Variants in IP6K1 observed in about 807,000 individuals in gnomAD.
The protein encoded by IP6K1 is inositol hexakisphosphate kinase 1, also known as ATP:1D-myo-inositol-hexakisphosphate phosphotransferase.
Under a neutral mutation model 38.3 loss-of-function variants are expected in IP6K1, and 13 were observed. The ratio of observed to expected loss-of-function variants is 0.34; its 90% CI spans 0.22 to 0.54. IP6K1 has a LOEUF of 0.54. Ranked by LOEUF, IP6K1 falls within the 20% of genes least tolerant of loss-of-function variation. The pLI, the probability that IP6K1 is intolerant of heterozygous loss-of-function variation, is 0.92. For missense variants in IP6K1, 397 were observed against 599.8 expected, an observed-to-expected ratio of 0.66 and a Z score of 3.53; for synonymous variants, 212 against 229.9, an observed-to-expected ratio of 0.92 and a Z score of 0.70.
intron 1 of IP6K1, among the ~76,000 whole-genome samples, chr3:49,780,309 TAC>T (rs71080553): frequency 8.8e-4 from 103 of 117,554 alleles, no homozygotes; most frequent in Middle Eastern, 8.8e-3. Context: ...TCATCTTTCA[TAC>T]ACACACACAC....
intron 5 of IP6K1, 29 bp downstream of exon 5, chr3:49,728,074 C>A (rs369664452): frequency 6.3e-7 from 1 of 1,595,770 alleles, no homozygotes; most frequent in South Asian, 1.1e-5. Flanking sequence ...CAAGTGGCAG[C>A]ACCTAGGCTC....
chr3:49,755,228 T>G (rs2080812014), intron 1 of IP6K1, among the ~76,000 whole-genome samples: 1 of 150,940 alleles, frequency 6.6e-6, no homozygotes, highest in South Asian at 2.1e-4. Flanking sequence ...TGAGCCACCA[T>G]GCCCAGCCAC....
chr3:49,761,409 G>A (rs1355142643), intron 1 of IP6K1, among the ~76,000 whole-genome samples: 9 of 151,812 alleles, frequency 5.9e-5, no homozygotes, highest in South Asian at 2.1e-4. Flanking sequence ...GGCGGATCAC[G>A]AGGTCAGGAG....
In IP6K1 at chr3:49,725,458, A is replaced by AG. The variant is rs36006366; in HGVS notation, c.*1663dup. On this transcript the variant is annotated 3_prime_UTR_variant, in exon 6 of 6. Coordinates refer to ENST00000321599, the MANE Select transcript of IP6K1 (RefSeq NM_153273.4). ...TGGGAACCTGCCCACCAGTGGCACC[A>AG]GGGCTGGGGGCTAGGAGAGATGGCA... is the stretch of plus-strand genomic sequence containing the variant. 3.3e-5 allele frequency: 5 copies of AG among 152,342 alleles called. No homozygotes were observed. The highest frequency in any genetic ancestry group is 2.0e-4 in the Admixed American group (3 of 15,286). The allele number at this position is 152,342 out of a possible 1,614,324, so 9.4% of individuals were successfully genotyped here.
chr3:49,733,620 T>C (rs908592608), intron 3 of IP6K1, among the ~76,000 whole-genome samples: 4 of 152,188 alleles, frequency 2.6e-5, no homozygotes, highest in African/African-American at 7.2e-5. Context: ...TATATGAACT[T>C]GAAAACATTT....
chr3:49,738,006 C>G (rs995882060), intron 3 of IP6K1, among the ~76,000 whole-genome samples: 4 of 152,168 alleles, frequency 2.6e-5, no homozygotes, highest in Non-Finnish European at 4.4e-5. Flanking sequence ...GCTTCACTTC[C>G]TCTCTCAACC....
chr3:49,778,464 C>A (rs987810822), intron 1 of IP6K1, among the ~76,000 whole-genome samples: 1 of 151,904 alleles, frequency 6.6e-6, no homozygotes, highest in Non-Finnish European at 1.5e-5. Flanking sequence ...GAAACTTCGT[C>A]TCTACTAAAA....
At chr3:49,763,252 C>T (rs1042290439) in intron 1 of IP6K1, among the ~76,000 whole-genome samples, 6 of 149,950 alleles carry the variant, frequency 4.0e-5, no homozygotes, top group East Asian at 3.9e-4. Context: ...TACAGGCGCC[C>T]GCCACACACC....
At chr3:49,728,463 CA>C (rs1228296451) in intron 4 of IP6K1, 185 bp from the exon 5 acceptor site, 1 of 576,556 alleles carries the variant, frequency 1.7e-6, no homozygotes, top group Non-Finnish European at 3.1e-6. Context: ...GTAAAATATA[CA>C]TAAAATTTAC....
chr3:49,778,424 G>C (rs1034749691), intron 1 of IP6K1, among the ~76,000 whole-genome samples: 2 of 151,988 alleles, frequency 1.3e-5, no homozygotes, highest in Non-Finnish European at 2.9e-5. Flanking sequence ...CTTGAGGTCA[G>C]GAGGTCAAGA....
intron 1 of IP6K1, among the ~76,000 whole-genome samples, chr3:49,751,336 A>AT (rs1185309797): frequency 2.0e-5 from 3 of 151,822 alleles, no homozygotes; most frequent in Non-Finnish European, 4.4e-5. Context: ...TAATTTTTGT[A>AT]TTTTTAGTGG....
chr3:49,731,149 C>T (rs369171315), intron 4 of IP6K1, among the ~76,000 whole-genome samples: 42 of 151,964 alleles, frequency 2.8e-4, no homozygotes, highest in African/African-American at 9.9e-4. Context: ...ACCTTCTGCT[C>T]AAAACGATCT....
rs1439115358 is a variant in IP6K1, at chr3:49,724,627, G to T, written c.*2495C>A. ...AAGTCAGCACAAACATAACCAAATT[G>T]TACAGCTTTAAAGTTCAAAGCAGTC... On this transcript the variant is annotated 3_prime_UTR_variant, in exon 6 of 6. Transcript: ENST00000321599. 1 of 152,596 alleles carries T rather than the reference G, an allele frequency of 6.6e-6. No homozygotes were observed. The highest frequency in any genetic ancestry group is 2.4e-5 in the African/African-American group (1 of 41,450). The allele number at this position is 152,596 out of a possible 1,614,324, so 9.5% of individuals were successfully genotyped here. A position where few individuals can be genotyped will look rare whatever the true frequency, so the allele number is the denominator to read the frequency against.
chr3:49,761,759 C>T (rs764323960), intron 1 of IP6K1, among the ~76,000 whole-genome samples: 43 of 152,106 alleles, frequency 2.8e-4, no homozygotes, highest in South Asian at 6.2e-4. Flanking sequence ...TTCAAGAGCA[C>T]CCTGGTCAAC....
Position 49,732,786 on chromosome 3 carries a change from G to T in IP6K1, c.616+5C>A. Reference sequence around the variant, plus strand: ...ACACTCCTGAAGGAGGGGCAACGAGGATACTGTAGAGCTTTCGGTCCTTGG... The same window carrying T: ...ACACTCCTGAAGGAGGGGCAACGAGTATACTGTAGAGCTTTCGGTCCTTGG... On this transcript the variant is annotated splice_donor_5th_base_variant and intron_variant, in intron 4 of 5. Coordinates refer to ENST00000321599, the MANE Select transcript of IP6K1 (RefSeq NM_153273.4). The T allele has an allele frequency of 1.9e-6, 3 of 1,609,420 alleles. No homozygotes were observed. The highest frequency in any genetic ancestry group is 2.5e-6 in the Non-Finnish European group (3 of 1,176,936).
At chr3:49,773,614 G>A (rs148383796) in intron 1 of IP6K1, among the ~76,000 whole-genome samples, 19,175 of 152,106 alleles carry the variant, frequency 0.13, 1,434 homozygotes, top group Middle Eastern at 0.24. Flanking sequence ...GCAAGACTCC[G>A]TCTCAAAAAT....
At chr3:49,758,720 T>C (rs2080844991) in intron 1 of IP6K1, 1 of 152,238 alleles carries the variant, frequency 6.6e-6, no homozygotes, top group Admixed American at 6.5e-5. Flanking sequence ...CCCAACACTT[T>C]GGGAGGTGAG....
Position 49,727,804 on chromosome 3 carries a change from C to T in IP6K1, c.793-149G>A. The T allele has an allele frequency of 1.2e-6, 1 of 846,148 alleles. No homozygotes were observed. The highest frequency in any genetic ancestry group is 1.8e-6 in the Non-Finnish European group (1 of 556,344). The allele number at this position is 846,148 out of a possible 1,614,324, so 52.4% of individuals were successfully genotyped here. A position where few individuals can be genotyped will look rare whatever the true frequency, so the allele number is the denominator to read the frequency against. The stretch of plus-strand genomic sequence containing the variant: ...TGGAACCAGGCAGGCCACATTCACC[C>T]TGGGTTTTCCCATTGCAGAACCAAG... On this transcript the variant is annotated intron_variant, in intron 5 of 5. Transcript: ENST00000321599. The surrounding 1 kb of genome is among the most constrained non-coding windows in gnomAD (Gnocchi z 5.9).
In IP6K1 at chr3:49,727,586, C is replaced by T. The variant is rs1439589871; in HGVS notation, c.862G>A (p.Gly288Ser). The change falls in exon 6 of 6, where the codon GGC becomes AGC. Residue 288 changes from glycine to serine, a missense_variant. Gly to Ser is a moderately conservative substitution (Grantham distance 56). Around this residue, in one of 3 missense-constraint regions of IP6K1, gnomAD observed 164 missense variants for 213.5 expected, o/e 0.77. Transcript: ENST00000321599. This position sits in a 1 kb window ranked among gnomAD's most constrained non-coding sequence, Gnocchi z 5.9. ...KYYGRGLSIEGFRNALYQYLH... is the reference protein window; with the variant it reads ...KYYGRGLSIESFRNALYQYLH... ...TATTGATAGAGGGCATTGCGGAAGC[C>T]TTCAATGGAGAGCCCACGGCCATAG... 2 of 1,614,230 alleles carry T rather than the reference C, an allele frequency of 1.2e-6. No individual in the cohort carries two copies. Among genetic ancestry groups the T allele is most frequent in the Non-Finnish European group, 1.7e-6 (2 of 1,180,036 alleles).
Sources: gnomAD v4.1 joint callset for allele counts (sites outside exome capture counted in the v4.1 genomes callset) on GRCh38, gnomAD v4.1.1 for gene constraint, gnomAD v4.1.1 regional missense constraint, Gnocchi (gnomAD v3.1) non-coding constraint, MANE v1.5 for transcripts, NCBI Gene and HGNC (gene_info 2026-07-23, HGNC 2026-07-21) for gene names.